The following PTPN13 variants were observed in gnomAD, a reference collection of about 807,000 sequenced individuals.
The protein encoded by PTPN13 is protein tyrosine phosphatase non-receptor type 13, also known as tyrosine-protein phosphatase non-receptor type 13.
PTPN13 carries 191 observed loss-of-function variants against 284.0 expected under a neutral mutation model. The ratio of observed to expected loss-of-function variants is 0.67; its 90% confidence interval spans 0.60 to 0.76. The LOEUF (loss-of-function observed/expected upper bound fraction) is 0.76. Among genes scored for constraint, PTPN13 ranks in the 30% least tolerant of loss-of-function variants. PTPN13 has a pLI of 0.00. For missense variants in PTPN13, 2,797 were observed against 2,939.9 expected (o/e 0.95, Z 1.12); for synonymous variants, 986 against 1,022.3 (o/e 0.96, Z 0.68).
At position 86,611,048 on chromosome 4, in the gene PTPN13, A is replaced by C. The variant is rs139245288; in HGVS notation, c.-6+16259A>C. Among the ~76,000 whole-genome samples the C allele has an allele frequency of 1.2e-3, 177 of 152,198 alleles. 2 individuals carry two copies. The highest frequency in any genetic ancestry group is 4.1e-3 in the African/African-American group (169 of 41,522). On this transcript the variant is annotated intron_variant, in intron 1 of 47. Coordinates refer to ENST00000411767, the MANE Select transcript of PTPN13 (RefSeq NM_080683.3). Reference sequence around the variant, plus strand: ...TGATTTCCATTATTTTTCTTAGAAAAATTTTATTCTGATCCCCTTTCATTG... The same window carrying C: ...TGATTTCCATTATTTTTCTTAGAAACATTTTATTCTGATCCCCTTTCATTG...
At chr4:86,777,011 C>T (rs1435840199) in intron 35 of PTPN13, among the ~76,000 whole-genome samples, 3 of 152,168 alleles carry the variant, frequency 2.0e-5, no homozygotes, top group Non-Finnish European at 2.9e-5. Flanking sequence ...ATAGAACTAC[C>T]GCATCTACTC....
chr4:86,704,178 C>G (rs1426678787), intron 7 of PTPN13, among the ~76,000 whole-genome samples: 1 of 152,066 alleles, frequency 6.6e-6, no homozygotes, highest in African/African-American at 2.4e-5. Flanking sequence ...GAGCGAAACT[C>G]CGTCTCAAAT....
At chr4:86,723,511 C>G (rs1733899759) in intron 10 of PTPN13, among the ~76,000 whole-genome samples, 1 of 152,222 alleles carries the variant, frequency 6.6e-6, no homozygotes, top group Non-Finnish European at 1.5e-5. Flanking sequence ...GAACCTGTCC[C>G]TGGTGCCAAA....
At chr4:86,808,478 C>T (rs944959103) in intron 45 of PTPN13, among the ~76,000 whole-genome samples, 6 of 152,188 alleles carry the variant, frequency 3.9e-5, no homozygotes, top group African/African-American at 1.4e-4. Context: ...CACGCCTGTG[C>T]ACAGTATCCT....
chr4:86,681,141 A>G (rs189704701), intron 3 of PTPN13, among the ~76,000 whole-genome samples: 5 of 152,322 alleles, frequency 3.3e-5, no homozygotes, highest in Admixed American at 3.3e-4. Context: ...TCTCAGCTTA[A>G]TACCCCTCTG....
At chr4:86,790,386 T>C (rs1294887530) in intron 40 of PTPN13, among the ~76,000 whole-genome samples, 1 of 152,186 alleles carries the variant, frequency 6.6e-6, no homozygotes, top group Admixed American at 6.5e-5. Flanking sequence ...CATAAGTGTG[T>C]GTGGGCACAC....
chr4:86,689,099 C>T lies in PTPN13; in HGVS notation c.455C>T (p.Ala152Val). The T allele has an allele frequency of 6.2e-7, 1 of 1,609,552 alleles. No individual in the cohort carries two copies. Among genetic ancestry groups the T allele is most frequent in the Non-Finnish European group, 8.5e-7 (1 of 1,175,866 alleles). The change falls in exon 5 of 48, where the codon GCT (alanine) becomes GTT (valine). Residue 152 changes from alanine (A) to valine (V), a missense_variant. Ala to Val is a moderately conservative substitution (Grantham distance 64). Transcript: ENST00000411767. ...ARVSVRTVLD[A>V]CSAHIRNSNC... is the part of the protein sequence containing the mutation. Reference sequence around the variant, plus strand: ...GTTTCTGTTCGGACTGTGCTGGATGCTTGCAGTGCCCACATTAGGAATAGC... The same window carrying T: ...GTTTCTGTTCGGACTGTGCTGGATGTTTGCAGTGCCCACATTAGGAATAGC...
At chr4:86,762,652 C>G in intron 23 of PTPN13, 75 bp from the exon 24 acceptor site, 1 of 1,140,718 alleles carries the variant, frequency 8.8e-7, no homozygotes, top group Non-Finnish European at 1.3e-6. Flanking sequence ...CAACAATCTT[C>G]AAGAAACATT....
rs959949665 is a variant in PTPN13 at position 86,745,095 on chromosome 4, G to C, written c.2617G>C (p.Ala873Pro). 12 of 1,612,854 alleles carry C rather than the reference G, an allele frequency of 7.4e-6. No homozygotes were observed. Among genetic ancestry groups the C allele is most frequent in the Non-Finnish European group, 9.3e-6 (11 of 1,179,492 alleles). ...GCATAAGTTCCAGCTACAGATGAGA[G>C]CAAGACAGAGCAACCAAGATGCCCA... ...YQHKFQLQMRARQSNQDAQDI... is the reference protein window; with the variant it reads ...YQHKFQLQMRPRQSNQDAQDI... The change falls in exon 17 of 48, where the codon GCA becomes CCA. Residue 873 changes from alanine to proline, a missense_variant. Coordinates refer to ENST00000411767, the MANE Select transcript of PTPN13 (RefSeq NM_080683.3).
intron 3 of PTPN13, among the ~76,000 whole-genome samples, chr4:86,679,414 A>G (rs1489364769): frequency 1.3e-5 from 2 of 152,152 alleles, no homozygotes; most frequent in Non-Finnish European, 2.9e-5. Context: ...AGTGGTCCTC[A>G]AAGTCTGGTC....
At chr4:86,693,071 TAAAAAAAAAA>T (rs34543988) in intron 5 of PTPN13, among the ~76,000 whole-genome samples, 1 of 112,304 alleles carries the variant, frequency 8.9e-6, no homozygotes, top group African/African-American at 3.3e-5. Flanking sequence ...CCGTTATATT[TAAAAAAAAAA>T]AAAAAAAAAA....
chr4:86,664,435 G>A (rs1177897230), intron 2 of PTPN13, among the ~76,000 whole-genome samples: 2 of 152,246 alleles, frequency 1.3e-5, no homozygotes, highest in South Asian at 4.2e-4. Flanking sequence ...GTCTAAATTA[G>A]TAAGTTATTC....
chr4:86,734,698 A>G, intron 13 of PTPN13, 39 bp from the exon 14 acceptor site: 1 of 1,578,062 alleles, frequency 6.3e-7, no homozygotes, highest in Non-Finnish European at 8.6e-7. Flanking sequence ...AGTATTCAAA[A>G]TCAAAGGCCA....
chr4:86,805,560 A>G (rs886252053), intron 44 of PTPN13, among the ~76,000 whole-genome samples, 191 bp downstream of exon 44: 2 of 152,208 alleles, frequency 1.3e-5, no homozygotes, highest in Non-Finnish European at 2.9e-5. Flanking sequence ...GGTATTCTGA[A>G]AATCAGTTAG....
intron 20 of PTPN13, among the ~76,000 whole-genome samples, chr4:86,757,580 G>A (rs1211587071): frequency 6.6e-6 from 1 of 151,748 alleles, no homozygotes; most frequent in Non-Finnish European, 1.5e-5. Flanking sequence ...GACCAGTCTG[G>A]GCAACATAGA....
chr4:86,639,084 C>G (rs1184658738), intron 2 of PTPN13, among the ~76,000 whole-genome samples: 1 of 152,058 alleles, frequency 6.6e-6, no homozygotes, highest in African/African-American at 2.4e-5. Flanking sequence ...AAATGCTCAT[C>G]ATCACTGGCC....
rs895398700 is a variant in PTPN13 at position 86,686,882 on chromosome 4, G to T, written c.360+107G>T. 25 of 760,796 alleles carry T rather than the reference G, an allele frequency of 3.3e-5. No individual in the cohort carries two copies. In the Admixed American group the frequency reaches 3.8e-4, roughly 11 times the overall value. The allele number at this position is 760,796 out of a possible 1,614,324, so 47.1% of individuals were successfully genotyped here. ...TACGTGTTCTACAGCATGCTGTCAG[G>T]TGTACCAACATTCCTATGGAGTTTG... On this transcript the variant is annotated intron_variant, in intron 4 of 47. Coordinates refer to ENST00000411767, the MANE Select transcript of PTPN13 (RefSeq NM_080683.3).
intron 15 of PTPN13, among the ~76,000 whole-genome samples, chr4:86,736,745 C>A (rs1178097319): frequency 6.6e-6 from 1 of 152,150 alleles, no homozygotes; most frequent in Non-Finnish European, 1.5e-5. Context: ...GACAGTCTTG[C>A]ATTTGAATTC....
At chr4:86,683,646 A>G (rs1168846422) in intron 3 of PTPN13, among the ~76,000 whole-genome samples, 3 of 152,234 alleles carry the variant, frequency 2.0e-5, no homozygotes, top group African/African-American at 7.2e-5. Flanking sequence ...GGTCCAATCA[A>G]GTTGACACAT....
Sources: gnomAD v4.1 joint callset for allele counts (sites outside exome capture counted in the v4.1 genomes callset) on GRCh38, gnomAD v4.1.1 for gene constraint, MANE v1.5 for transcripts, NCBI Gene and HGNC (gene_info 2026-07-23, HGNC 2026-07-21) for gene names.